The following TNFAIP8 variants were observed in gnomAD, a reference collection of about 807,000 sequenced individuals.
TNFAIP8 encodes the protein TNF alpha induced protein 8.
TNFAIP8 carries 7 observed loss-of-function variants against 13.3 expected under a neutral mutation model. The ratio of observed to expected loss-of-function variants is 0.52; its 90% confidence interval spans 0.30 to 0.99. The LOEUF is 0.99. TNFAIP8 is among the 50% of genes least tolerant of loss of function. The pLI is 0.07. For missense variants in TNFAIP8, 258 were observed against 236.9 expected (o/e 1.09, Z -0.58); for synonymous variants, 94 against 87.6 (o/e 1.07, Z -0.41).
chr5:119,357,719 A>G (rs1394090596), intron 1 of TNFAIP8, among the ~76,000 whole-genome samples: 1 of 151,344 alleles, frequency 6.6e-6, no homozygotes, highest in South Asian at 2.1e-4. Context: ...CCTTCCCTCC[A>G]CTTGTCATCA....
chr5:119,356,930 G>A (rs1258599832), intron 1 of TNFAIP8, among the ~76,000 whole-genome samples: 4 of 152,116 alleles, frequency 2.6e-5, no homozygotes, highest in Non-Finnish European at 4.4e-5. Flanking sequence ...GGTGGTTGGG[G>A]AAAATTAGAG....
At chr5:119,319,277 AATAAG>A (rs968304079) in intron 1 of TNFAIP8, among the ~76,000 whole-genome samples, 5 of 152,198 alleles carry the variant, frequency 3.3e-5, no homozygotes, top group African/African-American at 1.2e-4. Flanking sequence ...CTGTCCCTGA[AATAAG>A]ATAAGATGAA....
In TNFAIP8 at chr5:119,379,620, C is replaced by T. The variant is rs1299747976; in HGVS notation, c.32-13196C>T. ...TATTTGATTTGATTTGAGACAGGGTCTCATCTGTCACTCAGGCTGGAGTGG... is the reference window on the plus strand; with the variant it reads ...TATTTGATTTGATTTGAGACAGGGTTTCATCTGTCACTCAGGCTGGAGTGG... On this transcript the variant is annotated intron_variant, in intron 1 of 1. Coordinates refer to ENST00000504771, the MANE Select transcript of TNFAIP8 (RefSeq NM_014350.4). Among the ~76,000 whole-genome samples the T allele has an allele frequency of 2.6e-5, 4 of 152,132 alleles. No homozygotes were observed. In the East Asian group the frequency reaches 5.8e-4, roughly 22 times the overall value.
intron 1 of TNFAIP8, among the ~76,000 whole-genome samples, chr5:119,299,678 C>G (rs1478650315): frequency 6.6e-6 from 1 of 152,200 alleles, no homozygotes; most frequent in Non-Finnish European, 1.5e-5. Flanking sequence ...GAGGTTACTG[C>G]TGTCTTTTTG....
intron 1 of TNFAIP8, among the ~76,000 whole-genome samples, chr5:119,340,028 G>C (rs1750685426): frequency 6.6e-6 from 1 of 152,228 alleles, no homozygotes; most frequent in Non-Finnish European, 1.5e-5. Flanking sequence ...TGGCTGTCTA[G>C]AGCAGGGGAA....
At chr5:119,302,659 G>A (rs1380433163) in intron 1 of TNFAIP8, among the ~76,000 whole-genome samples, 1 of 152,098 alleles carries the variant, frequency 6.6e-6, no homozygotes, top group African/African-American at 2.4e-5. Context: ...TTGCTCACTT[G>A]ACCATCATCT....
intron 1 of TNFAIP8, among the ~76,000 whole-genome samples, chr5:119,295,528 T>C (rs988584987): frequency 4.7e-4 from 72 of 152,164 alleles, no homozygotes; most frequent in African/African-American, 1.7e-3. Context: ...TTTTGGTTAC[T>C]GTAGCCTTGT....
chr5:119,292,665 TATATATATATATATATATATACACACAC>T (rs1310659989), intron 1 of TNFAIP8, among the ~76,000 whole-genome samples: 3 of 43,136 alleles, frequency 7.0e-5, no homozygotes, highest in African/African-American at 1.6e-4. Flanking sequence ...TATATATATA[TATATATATATATATATATATACACACAC>T]ACACAATGAA....
At position 119,394,990 on chromosome 5, in the gene TNFAIP8, A is replaced by C. The variant is rs1753040266; in HGVS notation, c.*1609A>C. Reference sequence around the variant, plus strand: ...ATAGTTTACCAGGAAAGGTTCCACAACTAAAAATTCCAGAAGTTGAGATCT... The same window carrying C: ...ATAGTTTACCAGGAAAGGTTCCACACCTAAAAATTCCAGAAGTTGAGATCT... On this transcript the variant is annotated 3_prime_UTR_variant, in exon 2 of 2. Transcript: ENST00000504771. 6.6e-6 allele frequency: 1 copy of C among 152,216 alleles called. No individual in the cohort carries two copies. The highest frequency in any genetic ancestry group is 2.1e-4 in the South Asian group (1 of 4,836). 9.4% of individuals were successfully genotyped at this position (152,216 alleles called of 1,614,324 possible).
intron 1 of TNFAIP8, among the ~76,000 whole-genome samples, chr5:119,375,149 T>C (rs1301808629): frequency 2.0e-5 from 3 of 152,226 alleles, no homozygotes; most frequent in Non-Finnish European, 4.4e-5. Context: ...ATGGAGGAAT[T>C]GCTATTTGCT....
At chr5:119,324,630 C>T (rs1404447275) in intron 1 of TNFAIP8, among the ~76,000 whole-genome samples, 1 of 152,096 alleles carries the variant, frequency 6.6e-6, no homozygotes, top group African/African-American at 2.4e-5. Context: ...GGGATATCCT[C>T]TCTGCTATGC....
chr5:119,316,783 G>A (rs1749908804), intron 1 of TNFAIP8, among the ~76,000 whole-genome samples: 1 of 152,146 alleles, frequency 6.6e-6, no homozygotes. Context: ...CGAGAACATG[G>A]CTCTCAACTG....
intron 1 of TNFAIP8, among the ~76,000 whole-genome samples, chr5:119,331,346 G>C (rs1043142580): frequency 2.7e-5 from 4 of 149,154 alleles, no homozygotes; most frequent in Non-Finnish European, 4.4e-5. Context: ...ACTCTTCTTT[G>C]TTCCCAAATC....
At chr5:119,292,543 A>G (rs979750478) in intron 1 of TNFAIP8, among the ~76,000 whole-genome samples, 1 of 150,388 alleles carries the variant, frequency 6.6e-6, no homozygotes, top group Admixed American at 6.7e-5. Flanking sequence ...ACATGTCCAT[A>G]CAAATACTTA....
chr5:119,330,448 G>A (rs1438904761), intron 1 of TNFAIP8, among the ~76,000 whole-genome samples: 1 of 152,218 alleles, frequency 6.6e-6, no homozygotes. Context: ...TTTTCTTGGG[G>A]TATGTGATAA....
At chr5:119,309,314 T>C (rs1749659913) in intron 1 of TNFAIP8, among the ~76,000 whole-genome samples, 1 of 152,212 alleles carries the variant, frequency 6.6e-6, no homozygotes, top group Non-Finnish European at 1.5e-5. Flanking sequence ...TACCATACTT[T>C]CAGCAGCATT....
intron 1 of TNFAIP8, among the ~76,000 whole-genome samples, chr5:119,385,761 C>T (rs775910702): frequency 7.9e-5 from 12 of 152,168 alleles, no homozygotes; most frequent in Non-Finnish European, 1.3e-4. Context: ...CATGATACTA[C>T]CAGAAGGAAT....
chr5:119,388,940 G>A (rs10041464), intron 1 of TNFAIP8, among the ~76,000 whole-genome samples: 14,193 of 151,934 alleles, frequency 0.093, 983 homozygotes, highest in African/African-American at 0.21. Context: ...CACTGCGCCC[G>A]GCCCCATTTG....
At chr5:119,275,558 A>G (rs561387580) in intron 1 of TNFAIP8, among the ~76,000 whole-genome samples, 1 of 151,492 alleles carries the variant, frequency 6.6e-6, no homozygotes, top group African/African-American at 2.4e-5. Flanking sequence ...CCAGGAATCT[A>G]TTCTGTTCTC....
Sources: allele counts gnomAD v4.1 joint callset (sites outside exome capture counted in the v4.1 genomes callset), GRCh38; gene constraint gnomAD v4.1.1; transcripts MANE v1.5; gene names NCBI Gene and HGNC (gene_info 2026-07-23, HGNC 2026-07-21).